Variants in RABEPK observed in about 807,000 individuals in gnomAD.
RABEPK encodes the protein Rab9 effector protein with kelch motifs, also known as 40 kDa Rab9 effector protein.
In RABEPK, 27 loss-of-function variants were observed where a neutral mutation model predicts 34.1. That is an observed-to-expected ratio of 0.79 (90% CI 0.58 to 1.09). The LOEUF (loss-of-function observed/expected upper bound fraction) is 1.09. Among genes scored for constraint, RABEPK ranks in the 50% least tolerant of loss-of-function variants. The pLI is 0.00. For synonymous variants in RABEPK, 172 were observed against 169.2 expected (o/e 1.02, Z -0.13); for missense variants, 449 against 462.6 (o/e 0.97, Z 0.27).
intron 4 of RABEPK, among the ~76,000 whole-genome samples, chr9:125,216,779 ACT>A (rs1830955672): frequency 6.6e-6 from 1 of 151,970 alleles, no homozygotes; most frequent in South Asian, 2.1e-4. Flanking sequence ...TGGCCAACAT[ACT>A]GAAAGCCCGT....
Position 125,233,896 on chromosome 9 carries a change from T to G in RABEPK, c.1035T>G (p.Thr345=), listed in dbSNP as rs1832403780. 6.2e-7 allele frequency: 1 copy of G among 1,613,344 alleles called. No individual in the cohort carries two copies. The highest frequency in any genetic ancestry group is 1.3e-5 in the African/African-American group (1 of 74,904). ...GTGACTCACATGAGGAAAGCCAGAC[T>G]GCTACACTGCTCTGTTTGGTGTTTG... ...HSGDSHEESQ[T]ATLLCLVFGG... Residue 345 remains threonine, a synonymous_variant, in exon 8 of 8, where the codon ACT becomes ACG. Transcript: ENST00000373538.
At chr9:125,232,559 C>A in intron 6 of RABEPK, 37 bp from the exon 7 acceptor site, 1 of 1,590,300 alleles carries the variant, frequency 6.3e-7, no homozygotes, top group Non-Finnish European at 8.6e-7. Context: ...CACATCTTAG[C>A]CCATGCTGCG....
intron 3 of RABEPK, among the ~76,000 whole-genome samples, chr9:125,208,186 AGGCC>A (rs1186250447): frequency 6.6e-6 from 1 of 152,102 alleles, no homozygotes; most frequent in Admixed American, 6.6e-5. Flanking sequence ...GTTTCTTAGT[AGGCC>A]CCTGGCACAC....
At chr9:125,220,964 C>G (rs757947928) in intron 5 of RABEPK, 5 of 322,652 alleles carry the variant, frequency 1.5e-5, no homozygotes, top group Non-Finnish European at 2.2e-5. Flanking sequence ...GTCAGGAGTT[C>G]GAGAACAGCC....
intron 3 of RABEPK, among the ~76,000 whole-genome samples, chr9:125,209,657 C>T (rs564540717): frequency 6.6e-6 from 1 of 152,060 alleles, no homozygotes; most frequent in African/African-American, 2.4e-5. Flanking sequence ...GCCCCAACCT[C>T]ATTTCTTGGC....
At chr9:125,212,973 A>C (rs986274077) in intron 3 of RABEPK, among the ~76,000 whole-genome samples, 1 of 152,156 alleles carries the variant, frequency 6.6e-6, no homozygotes, top group Non-Finnish European at 1.5e-5. Flanking sequence ...TGGCCAATAC[A>C]GGCGTGTTTC....
At chr9:125,223,020 G>A (rs1009656017) in intron 5 of RABEPK, among the ~76,000 whole-genome samples, 50 of 151,814 alleles carry the variant, frequency 3.3e-4, no homozygotes, top group African/African-American at 1.0e-3. Context: ...GGTGGCTCAC[G>A]CCTGTAATCC....
chr9:125,222,527 A>G (rs1291726570), intron 5 of RABEPK: 1 of 151,878 alleles, frequency 6.6e-6, no homozygotes, highest in Non-Finnish European at 1.5e-5. Flanking sequence ...AGCCTGACCA[A>G]CATAGTGAAA....
intron 4 of RABEPK, among the ~76,000 whole-genome samples, chr9:125,215,547 A>C (rs1830878867): frequency 1.3e-5 from 2 of 152,084 alleles, no homozygotes; most frequent in Admixed American, 1.3e-4. Flanking sequence ...CCTGGGCTCA[A>C]GCAATTTTCC....
rs1832423779 is a variant in RABEPK, at chr9:125,234,131, T to C, written c.*151T>C. ...GAAACTAATGCAAATAATTCTTATG[T>C]GCACTAAACCTTGCTATATTGCCTC... is the stretch of plus-strand genomic sequence containing the variant. On this transcript the variant is annotated 3_prime_UTR_variant, in exon 8 of 8. Coordinates refer to ENST00000373538, the MANE Select transcript of RABEPK (RefSeq NM_005833.4). 7 of 816,118 alleles carry C rather than the reference T, an allele frequency of 8.6e-6. No homozygotes were observed. The highest frequency in any genetic ancestry group is 1.7e-5 in the African/African-American group (1 of 57,662). The allele number at this position is 816,118 out of a possible 1,614,324, so 50.6% of individuals were successfully genotyped here.
intron 5 of RABEPK, among the ~76,000 whole-genome samples, chr9:125,224,090 G>T (rs1831550586): frequency 6.6e-6 from 1 of 151,698 alleles, no homozygotes; most frequent in African/African-American, 2.4e-5. Flanking sequence ...AGCTACTCGG[G>T]AGGCTGAGGC....
chr9:125,203,758 C>T (rs1830044710), intron 2 of RABEPK, among the ~76,000 whole-genome samples: 1 of 152,284 alleles, frequency 6.6e-6, no homozygotes, highest in East Asian at 1.9e-4. Context: ...CTGGGCTGGG[C>T]ACGGTGGCTC....
intron 2 of RABEPK, among the ~76,000 whole-genome samples, chr9:125,206,948 G>A (rs1396003456): frequency 6.6e-6 from 1 of 152,040 alleles, no homozygotes; most frequent in Non-Finnish European, 1.5e-5. Context: ...AATTAGCCAG[G>A]TGTGGTGGCA....
rs1240921424 is a variant in RABEPK, at chr9:125,234,133, C to T, written c.*153C>T. The T allele has an allele frequency of 7.5e-6, 6 of 801,370 alleles. No homozygotes were observed. Among genetic ancestry groups the T allele is most frequent in the Non-Finnish European group, 1.2e-5 (6 of 505,782 alleles). 49.6% of individuals were successfully genotyped at this position (801,370 alleles called of 1,614,324 possible). A position where few individuals can be genotyped will look rare whatever the true frequency, so the allele number is the denominator to read the frequency against. ...AACTAATGCAAATAATTCTTATGTG[C>T]ACTAAACCTTGCTATATTGCCTCTC... On this transcript the variant is annotated 3_prime_UTR_variant, in exon 8 of 8. Transcript: ENST00000373538.
intron 3 of RABEPK, among the ~76,000 whole-genome samples, chr9:125,209,723 TG>T (rs1830465276): frequency 6.6e-6 from 1 of 152,176 alleles, no homozygotes; most frequent in Non-Finnish European, 1.5e-5. Context: ...GAACACAGCT[TG>T]AGCTCTCTGG....
intron 2 of RABEPK, among the ~76,000 whole-genome samples, chr9:125,206,536 A>T (rs1410589946): frequency 6.6e-6 from 1 of 151,864 alleles, no homozygotes; most frequent in African/African-American, 2.4e-5. Context: ...GGAATGACCG[A>T]ATTCTGTATG....
In RABEPK at chr9:125,213,449, A is replaced by G. The variant is rs985017226; in HGVS notation, c.291A>G (p.Thr97=). 2.5e-6 allele frequency: 4 copies of G among 1,614,064 alleles called. No homozygotes were observed. The highest frequency in any genetic ancestry group is 2.2e-5 in the East Asian group (1 of 44,872). The change falls in exon 4 of 8, where the codon ACA becomes ACG. Residue 97 remains threonine (T), a synonymous_variant. Transcript: ENST00000373538. ...ATGCTAGCTTCATTCCCTCCTGCAC[A>G]CCTGACCGTATCTGGGTATTTGGAG... ...YEHASFIPSC[T]PDRIWVFGGA... is the part of the protein sequence containing the mutation.
rs549981277 is a variant in RABEPK, at chr9:125,212,365, G to A, written c.212-1005G>A. On this transcript the variant is annotated intron_variant, in intron 3 of 7. Coordinates refer to ENST00000373538, the MANE Select transcript of RABEPK (RefSeq NM_005833.4). ...CTCCCAAGCAGCTGGGACTACAGGC[G>A]CCTGCCATCGCGCCCAGCTAATTTT... 1.6e-4 allele frequency among the ~76,000 whole-genome samples: 25 copies of A among 151,780 alleles called. No individual in the cohort carries two copies. The East Asian group carries it at 4.7e-3, about 29-fold the overall frequency.
chr9:125,218,294 G>A (rs191411245), intron 4 of RABEPK, among the ~76,000 whole-genome samples: 1 of 144,280 alleles, frequency 6.9e-6, no homozygotes, highest in Non-Finnish European at 1.5e-5. Flanking sequence ...TGCACTCTGG[G>A]CTGGGAGCCA....
Sources: gnomAD v4.1 joint callset for allele counts (sites outside exome capture counted in the v4.1 genomes callset) on GRCh38, gnomAD v4.1.1 for gene constraint, MANE v1.5 for transcripts, NCBI Gene and HGNC (gene_info 2026-07-23, HGNC 2026-07-21) for gene names.